PIK3C3: variants seen among roughly 807,000 people sequenced by gnomAD.
PIK3C3 encodes PI3-kinase type 3.
A neutral mutation model predicts 126.1 loss-of-function variants in PIK3C3; 95 were observed. The observed-to-expected ratio is 0.75, with a 90% CI of 0.64 to 0.89. The LOEUF (loss-of-function observed/expected upper bound fraction) is 0.89, where lower values mean the gene tolerates loss of function less well. Ranked by LOEUF, PIK3C3 falls within the 40% of genes least tolerant of loss-of-function variation. PIK3C3 has a pLI of 0.00. For missense variants in PIK3C3, 829 were observed against 1,063.2 expected (o/e 0.78, Z 3.06); for synonymous variants, 374 against 360.0 (o/e 1.04, Z -0.44).
At chr18:42,047,915 G>A (rs1382250866) in intron 20 of PIK3C3, among the ~76,000 whole-genome samples, 1 of 152,176 alleles carries the variant, frequency 6.6e-6, no homozygotes, top group African/African-American at 2.4e-5. Context: ...TTTGCAGATA[G>A]TAAATATTTT....
chr18:42,056,422 A>T (rs1204453462), intron 21 of PIK3C3, among the ~76,000 whole-genome samples: 1 of 152,148 alleles, frequency 6.6e-6, no homozygotes, highest in Non-Finnish European at 1.5e-5. Flanking sequence ...GAAAACTGGG[A>T]TAGGTTTCGT....
rs906808812 is a variant in PIK3C3 at position 41,961,201 on chromosome 18, A to T, written c.258-1288A>T. ...ACAGAATAATAAATTCCACAATATT[A>T]TCCAAAAAGAAATTTGGATAATATC... On this transcript the variant is annotated intron_variant, in intron 2 of 24. Coordinates refer to ENST00000262039, the MANE Select transcript of PIK3C3 (RefSeq NM_002647.4). Among the ~76,000 whole-genome samples the T allele has an allele frequency of 3.3e-5, 5 of 152,330 alleles. No homozygotes were observed. The East Asian group carries it at 7.7e-4, about 23-fold the overall frequency.
chr18:42,021,777 T>A (rs191217491), intron 13 of PIK3C3, among the ~76,000 whole-genome samples: 126 of 152,224 alleles, frequency 8.3e-4, no homozygotes, highest in African/African-American at 2.7e-3. Context: ...CTATGATCAT[T>A]GACATGAGGT....
intron 24 of PIK3C3, among the ~76,000 whole-genome samples, chr18:42,067,909 G>T (rs189272230): frequency 8.3e-4 from 126 of 152,288 alleles, no homozygotes; most frequent in African/African-American, 2.7e-3. Context: ...ACACCAGAAA[G>T]GTCTATCCAT....
intron 10 of PIK3C3, among the ~76,000 whole-genome samples, chr18:42,007,491 A>G (rs1598889897): frequency 6.6e-6 from 1 of 152,272 alleles, no homozygotes; most frequent in African/African-American, 2.4e-5. Context: ...TGACACCTTT[A>G]TGACATATCT....
Position 42,084,398 on chromosome 18 carries a change from A to G in PIK3C3, c.*3261A>G, listed in dbSNP as rs534143217. ...TTTTTACAAGTAAATTTGAAGAACA[A>G]TGTGAACTTTCTATAATTATATACA... On this transcript the variant is annotated 3_prime_UTR_variant, in exon 25 of 25. Coordinates refer to ENST00000262039, the MANE Select transcript of PIK3C3 (RefSeq NM_002647.4). 5 of 152,198 alleles carry G rather than the reference A, an allele frequency of 3.3e-5. No individual in the cohort carries two copies. Among genetic ancestry groups the G allele is most frequent in the South Asian group, 4.1e-4 (2 of 4,824 alleles). 9.4% of individuals were successfully genotyped at this position (152,198 alleles called of 1,614,324 possible).
Position 42,081,997 on chromosome 18 carries a change from T to G in PIK3C3, c.*860T>G, listed in dbSNP as rs1474368884. On this transcript the variant is annotated 3_prime_UTR_variant, in exon 25 of 25. Coordinates refer to ENST00000262039, the MANE Select transcript of PIK3C3 (RefSeq NM_002647.4). ...AGGAGTTGAGGAACAAAAAGCTCTTTGAAATAGCTCACCTAGACCTGTTAA... is the reference window on the plus strand; with the variant it reads ...AGGAGTTGAGGAACAAAAAGCTCTTGGAAATAGCTCACCTAGACCTGTTAA... The G allele has an allele frequency of 7.0e-6, 1 of 143,452 alleles. No homozygotes were observed. Among genetic ancestry groups the G allele is most frequent in the Non-Finnish European group, 1.6e-5 (1 of 64,432 alleles). 8.9% of individuals were successfully genotyped at this position (143,452 alleles called of 1,614,324 possible). A position where few individuals can be genotyped will look rare whatever the true frequency, so the allele number is the denominator to read the frequency against.
At position 41,995,899 on chromosome 18, in the gene PIK3C3, G is replaced by A. The variant is rs763586488; in HGVS notation, c.796G>A (p.Val266Ile). 1.2e-6 allele frequency: 2 copies of A among 1,610,234 alleles called. No individual in the cohort carries two copies. Among genetic ancestry groups the A allele is most frequent in the South Asian group, 1.1e-5 (1 of 90,948 alleles). Residue 266 changes from valine to isoleucine, a missense_variant, in exon 8 of 25, where the codon GTT becomes ATT. This residue lies in a region of PIK3C3 where 313 missense variants were observed against 340.7 expected (regional missense o/e 0.92). Coordinates refer to ENST00000262039, the MANE Select transcript of PIK3C3 (RefSeq NM_002647.4). ...TTAAAATAATTTGTAGGAGAATTTAGTTGAGAGCAAACACCACAAGCTTGC... is the reference window on the plus strand; with the variant it reads ...TTAAAATAATTTGTAGGAGAATTTAATTGAGAGCAAACACCACAAGCTTGC... The part of the protein sequence containing the change: ...PDPQMSMENL[V>I]ESKHHKLARS...
At chr18:42,004,895 A>G (rs1006667988) in intron 10 of PIK3C3, among the ~76,000 whole-genome samples, 1 of 152,172 alleles carries the variant, frequency 6.6e-6, no homozygotes, top group African/African-American at 2.4e-5. Flanking sequence ...GATCTCCTCT[A>G]TCAGTCAGTA....
At chr18:41,985,523 A>T (rs1353203793) in intron 4 of PIK3C3, among the ~76,000 whole-genome samples, 1 of 152,160 alleles carries the variant, frequency 6.6e-6, no homozygotes, top group African/African-American at 2.4e-5. Context: ...CTGTGAAGGC[A>T]TACAGATTTT....
intron 13 of PIK3C3, among the ~76,000 whole-genome samples, chr18:42,023,413 C>CT (rs1343376330): frequency 6.6e-6 from 1 of 152,104 alleles, no homozygotes. Flanking sequence ...AAGGAGCACA[C>CT]TTTTTTTTCC....
rs1243836098 is a variant in PIK3C3 at position 42,082,633 on chromosome 18, A to T, written c.*1496A>T. ...ATTCTTGTAGTTCTATTTCTATTGA[A>T]ACTTCCTCCAAAACTTTTCTCTGAA... On this transcript the variant is annotated 3_prime_UTR_variant, in exon 25 of 25. Transcript: ENST00000262039. 6.6e-6 allele frequency: 1 copy of T among 152,054 alleles called. No individual in the cohort carries two copies. The highest frequency in any genetic ancestry group is 2.4e-5 in the African/African-American group (1 of 41,378). 9.4% of individuals were successfully genotyped at this position (152,054 alleles called of 1,614,324 possible). A position where few individuals can be genotyped will look rare whatever the true frequency, so the allele number is the denominator to read the frequency against.
At chr18:41,968,499 G>A (rs1377362798) in intron 3 of PIK3C3, among the ~76,000 whole-genome samples, 1 of 152,158 alleles carries the variant, frequency 6.6e-6, no homozygotes, top group African/African-American at 2.4e-5. Context: ...GCTAGTCAAT[G>A]CATTTTGTAT....
chr18:42,005,309 T>C (rs1431022094), intron 10 of PIK3C3, among the ~76,000 whole-genome samples: 1 of 152,200 alleles, frequency 6.6e-6, no homozygotes, highest in African/African-American at 2.4e-5. Flanking sequence ...AACGCAATGC[T>C]AAGTATTTGT....
chr18:42,065,265 A>G (rs1357794785), intron 23 of PIK3C3, among the ~76,000 whole-genome samples: 1 of 152,196 alleles, frequency 6.6e-6, no homozygotes, highest in Non-Finnish European at 1.5e-5. Flanking sequence ...TGAAAAAATA[A>G]AACAATCCGT....
intron 24 of PIK3C3, among the ~76,000 whole-genome samples, chr18:42,077,350 G>C (rs2144537577): frequency 6.6e-6 from 1 of 152,334 alleles, no homozygotes; most frequent in East Asian, 1.9e-4. Context: ...TCTGTAGCAT[G>C]TGATGCTGTT....
intron 24 of PIK3C3, among the ~76,000 whole-genome samples, chr18:42,074,665 TTA>T (rs888505858): frequency 4.6e-5 from 7 of 152,172 alleles, no homozygotes; most frequent in African/African-American, 1.7e-4. Context: ...ACAGATCTTT[TTA>T]TATGTGTGTT....
chr18:42,042,842 G>T (rs1256117676), intron 19 of PIK3C3, among the ~76,000 whole-genome samples: 2 of 152,102 alleles, frequency 1.3e-5, no homozygotes, highest in Admixed American at 6.5e-5. Flanking sequence ...TCGTAGTGTT[G>T]CCAAACTTCA....
Position 42,027,561 on chromosome 18 carries a change from T to C in PIK3C3, c.1590+13T>C. On this transcript the variant is annotated intron_variant, in intron 14 of 24. Transcript: ENST00000262039. ...AGCATTGTTGAAGGTAACCCTTAAA[T>C]GTGAGGGTTGGCAAACTGCAGCACA... 6.4e-7 allele frequency: 1 copy of C among 1,551,418 alleles called. No individual in the cohort carries two copies. The highest frequency in any genetic ancestry group is 8.9e-7 in the Non-Finnish European group (1 of 1,125,840).
Sources: allele counts gnomAD v4.1 joint callset (sites outside exome capture counted in the v4.1 genomes callset), GRCh38; gene constraint gnomAD v4.1.1; regional missense constraint gnomAD v4.1.1; transcripts MANE v1.5; gene names NCBI Gene and HGNC (gene_info 2026-07-23, HGNC 2026-07-21).